CARS2: variants seen among roughly 807,000 people sequenced by gnomAD.
CARS2 encodes the protein cysteinyl-tRNA synthetase 2, mitochondrial.
In CARS2, 52 loss-of-function variants were observed where a neutral mutation model predicts 68.8. The ratio of observed to expected loss-of-function variants is 0.76; its 90% CI spans 0.61 to 0.95. CARS2 has a LOEUF of 0.95. Ranked by LOEUF, CARS2 falls within the 40% of genes least tolerant of loss-of-function variation. The pLI is 0.00. For missense variants in CARS2, 780 were observed against 754.2 expected (o/e 1.03, Z -0.40); for synonymous variants, 314 against 303.6 (o/e 1.03, Z -0.36).
At chr13:110,713,089 C>G in intron 1 of CARS2, 1 of 1,441,730 alleles carries the variant, frequency 6.9e-7, no homozygotes, top group Non-Finnish European at 9.1e-7. Flanking sequence ...TTCCGCCTCC[C>G]GGAGGACTTG....
chr13:110,643,077 A>C (rs887956960), intron 13 of CARS2: 2 of 289,812 alleles, frequency 6.9e-6, no homozygotes, highest in Non-Finnish European at 1.4e-5. Context: ...AGAAACAGAC[A>C]CAACATTTGA....
chr13:110,644,081 GCA>G, intron 13 of CARS2: 2 of 1,300,682 alleles, frequency 1.5e-6, no homozygotes, highest in South Asian at 1.3e-5. Context: ...TGTGACTTCT[GCA>G]CATTCTGAGA....
chr13:110,706,132 C>A (rs1466472640), upstream of CARS2: 3 of 1,274,632 alleles, frequency 2.4e-6, no homozygotes, highest in Non-Finnish European at 3.0e-6. Flanking sequence ...GAGACGGGAG[C>A]CACGCCGGGT....
upstream of CARS2, among the ~76,000 whole-genome samples, chr13:110,710,598 G>A (rs1280089467): frequency 6.6e-6 from 1 of 152,258 alleles, no homozygotes; most frequent in South Asian, 2.1e-4. Flanking sequence ...ATTCTTCAAC[G>A]TATCTTCAAA....
In CARS2 at chr13:110,675,400, C is replaced by T. The variant is rs2062917866; in HGVS notation, c.785+1574G>A. Among the ~76,000 whole-genome samples, 3 of 152,178 alleles carry T rather than the reference C, an allele frequency of 2.0e-5. No individual in the cohort carries two copies. In the South Asian group the frequency reaches 6.2e-4, roughly 32 times the overall value. ...GCCATAAAAAAGGATGAGTTCATGT[C>T]CTTTGTAGGCACATGGATGAAGCTG... On this transcript the variant is annotated intron_variant, in intron 7 of 14. Transcript: ENST00000257347.
chr13:110,657,552 T>C (rs2062402506), intron 9 of CARS2, among the ~76,000 whole-genome samples: 1 of 152,162 alleles, frequency 6.6e-6, no homozygotes, highest in Admixed American at 6.5e-5. Context: ...ATGACTGAAT[T>C]GACAATACAC....
At chr13:110,702,811 A>G (rs547102609) in intron 2 of CARS2, among the ~76,000 whole-genome samples, 25 of 152,326 alleles carry the variant, frequency 1.6e-4, no homozygotes, top group Non-Finnish European at 3.5e-4. Flanking sequence ...TCTGAAGAAC[A>G]TGGCATCAGG....
intron 9 of CARS2, among the ~76,000 whole-genome samples, chr13:110,661,965 T>C (rs1478099753): frequency 6.6e-6 from 1 of 152,200 alleles, no homozygotes; most frequent in African/African-American, 2.4e-5. Flanking sequence ...ACAGATTTAA[T>C]AATGAGAAAC....
chr13:110,682,142 A>T (rs576491167), intron 6 of CARS2, among the ~76,000 whole-genome samples: 25 of 152,310 alleles, frequency 1.6e-4, no homozygotes, highest in Non-Finnish European at 2.9e-4. Context: ...TAGCAGGTAG[A>T]CAGGAATTCT....
At position 110,666,508 on chromosome 13, in the gene CARS2, G is replaced by A. The variant is rs530377606; in HGVS notation, c.919+832C>T. ...TTCCCCGACTCAACAGGGTAAGCCC[G>A]GGGTGAAGGACATGCTGCAGGAAGT... On this transcript the variant is annotated intron_variant, in intron 8 of 14. Coordinates refer to ENST00000257347, the MANE Select transcript of CARS2 (RefSeq NM_024537.4). 8.1e-6 allele frequency: 8 copies of A among 985,320 alleles called. No individual in the cohort carries two copies. In the South Asian group the frequency reaches 1.9e-4, roughly 23 times the overall value. The allele number at this position is 985,320 out of a possible 1,614,324, so 61.0% of individuals were successfully genotyped here. A position where few individuals can be genotyped will look rare whatever the true frequency, so the allele number is the denominator to read the frequency against.
At position 110,667,322 on chromosome 13, in the gene CARS2, T is replaced by C. The variant is rs774982759; in HGVS notation, c.919+18A>G. The stretch of plus-strand genomic sequence containing the variant: ...CTAGAATTGAAACAGAACAAATTAA[T>C]CTGAAGTTATTACTTACCAGAATGC... On this transcript the variant is annotated intron_variant, in intron 8 of 14. Coordinates refer to ENST00000257347, the MANE Select transcript of CARS2 (RefSeq NM_024537.4). 5.6e-6 allele frequency: 9 copies of C among 1,600,508 alleles called. No individual in the cohort carries two copies. In the South Asian group the frequency reaches 1.0e-4, roughly 18 times the overall value.
chr13:110,712,425 G>T (rs551307362), intron 1 of CARS2: 2 of 188,014 alleles, frequency 1.1e-5, no homozygotes, highest in African/African-American at 4.8e-5. Flanking sequence ...GGCGGCCGCA[G>T]CGGGGCGGAG....
In CARS2 at chr13:110,643,257, G is replaced by C. The variant is rs533401055; in HGVS notation, c.1417-736C>G. 1.0e-4 allele frequency: 16 copies of C among 160,254 alleles called. No homozygotes were observed. The East Asian group carries it at 2.8e-3, about 28-fold the overall frequency. The allele number at this position is 160,254 out of a possible 1,614,324, so 9.9% of individuals were successfully genotyped here. On this transcript the variant is annotated intron_variant, in intron 13 of 14. Transcript: ENST00000257347. Reference sequence around the variant, plus strand: ...TTTGACAAGGGCTAGGCAGAGCTTGGCCAGATCCCACTTTTCTTACTCAAA... The same window carrying C: ...TTTGACAAGGGCTAGGCAGAGCTTGCCCAGATCCCACTTTTCTTACTCAAA...
intron 6 of CARS2, among the ~76,000 whole-genome samples, chr13:110,681,390 G>A (rs970686254): frequency 1.3e-5 from 2 of 151,956 alleles, no homozygotes; most frequent in Non-Finnish European, 2.9e-5. Flanking sequence ...TCCTAATTTT[G>A]TACCATTATA....
intron 6 of CARS2, among the ~76,000 whole-genome samples, chr13:110,678,709 A>G (rs954370132): frequency 6.6e-6 from 1 of 152,252 alleles, no homozygotes; most frequent in Non-Finnish European, 1.5e-5. Context: ...TTGAAGTAGA[A>G]GGCAGCACAC....
At position 110,676,858 on chromosome 13, in the gene CARS2, A is replaced by C; in HGVS notation, c.785+116T>G. Reference sequence around the variant, plus strand: ...TCCGGCAAAAATCTCTTCCCAAAAAATCACCCATGGGCACACGTGCCAGGC... The same window carrying C: ...TCCGGCAAAAATCTCTTCCCAAAAACTCACCCATGGGCACACGTGCCAGGC... On this transcript the variant is annotated intron_variant, in intron 7 of 14. Transcript: ENST00000257347. The surrounding 1 kb of genome is among the most constrained non-coding windows in gnomAD (Gnocchi z 4.0). 7.6e-7 allele frequency: 1 copy of C among 1,310,174 alleles called. No homozygotes were observed. Among genetic ancestry groups the C allele is most frequent in the Non-Finnish European group, 1.0e-6 (1 of 993,006 alleles). The allele number at this position is 1,310,174 out of a possible 1,614,324, so 81.2% of individuals were successfully genotyped here.
At chr13:110,641,794 AG>A (rs1260109812) in intron 14 of CARS2, among the ~76,000 whole-genome samples, 186 bp from the exon 15 acceptor site, 9 of 152,220 alleles carry the variant, frequency 5.9e-5, no homozygotes, top group African/African-American at 2.2e-4. Context: ...CACCTGCAGG[AG>A]GTGGCGGGGG....
intron 5 of CARS2, among the ~76,000 whole-genome samples, chr13:110,687,446 G>A (rs2063331274): frequency 6.6e-6 from 1 of 152,110 alleles, no homozygotes; most frequent in Admixed American, 6.5e-5. Context: ...GAGGCAGGTG[G>A]ATCACAAGGT....
At chr13:110,675,924 G>T (rs1443739983) in intron 7 of CARS2, among the ~76,000 whole-genome samples, 5 of 152,208 alleles carry the variant, frequency 3.3e-5, no homozygotes. Flanking sequence ...GGGAGGCCAA[G>T]GCGGGCGGAT....
Sources: gnomAD v4.1 joint callset for allele counts (sites outside exome capture counted in the v4.1 genomes callset) on GRCh38, gnomAD v4.1.1 for gene constraint, Gnocchi (gnomAD v3.1) non-coding constraint, MANE v1.5 for transcripts, NCBI Gene and HGNC (gene_info 2026-07-23, HGNC 2026-07-21) for gene names.